Variants in ASCC3 observed in about 807,000 individuals in gnomAD.
ASCC3 encodes the protein activating signal cointegrator 1 complex subunit 3.
ASCC3 carries 158 observed loss-of-function variants against 256.3 expected under a neutral mutation model. That is an observed-to-expected ratio of 0.62 (90% CI 0.54 to 0.70). The LOEUF is 0.70. ASCC3 is among the 30% of genes least tolerant of loss of function. The probability of loss-of-function intolerance (pLI) is 0.00; values close to 1 mark genes in which losing one functional copy is unlikely to be tolerated. For synonymous variants in ASCC3, 948 were observed against 883.4 expected, an observed-to-expected ratio of 1.07 and a Z score of -1.30; for missense variants, 2,259 against 2,626.0, an observed-to-expected ratio of 0.86 and a Z score of 3.05.
At chr6:100,757,658 T>A (rs1475287099) in intron 10 of ASCC3, among the ~76,000 whole-genome samples, 3 of 152,172 alleles carry the variant, frequency 2.0e-5, no homozygotes, top group Non-Finnish European at 4.4e-5. Context: ...TAGAAATCTT[T>A]CATCTTATTC....
chr6:100,530,200 C>T, intron 37 of ASCC3: 2 of 688,186 alleles, frequency 2.9e-6, no homozygotes, highest in Admixed American at 4.6e-5. Flanking sequence ...CATCATTTTT[C>T]TTGTAGTCTT....
chr6:100,519,647 C>A (rs1190839974), intron 37 of ASCC3, among the ~76,000 whole-genome samples: 1 of 152,044 alleles, frequency 6.6e-6, no homozygotes, highest in Non-Finnish European at 1.5e-5. Flanking sequence ...GATGTCAGAA[C>A]TTGCAATGTG....
At chr6:100,756,212 A>C in intron 10 of ASCC3, among the ~76,000 whole-genome samples, 1 of 152,018 alleles carries the variant, frequency 6.6e-6, no homozygotes. Context: ...ATAATTAAAA[A>C]AAAAAACTTC....
At chr6:100,770,804 T>C (rs980582860) in intron 8 of ASCC3, among the ~76,000 whole-genome samples, 1 of 151,808 alleles carries the variant, frequency 6.6e-6, no homozygotes, top group Non-Finnish European at 1.5e-5. Flanking sequence ...TGAAAAATAT[T>C]CTATTTTGCT....
intron 39 of ASCC3, among the ~76,000 whole-genome samples, chr6:100,514,636 A>G (rs1459250781): frequency 6.6e-6 from 1 of 151,836 alleles, no homozygotes; most frequent in Non-Finnish European, 1.5e-5. Context: ...TTATGTATAT[A>G]AAACATGAAC....
In ASCC3 at chr6:100,767,447, G is replaced by A. The variant is rs150679207; in HGVS notation, c.1396-102C>T. 2.1e-5 allele frequency: 26 copies of A among 1,218,522 alleles called. No individual in the cohort carries two copies. In the Middle Eastern group the frequency reaches 6.6e-4, roughly 31 times the overall value. 75.5% of individuals were successfully genotyped at this position (1,218,522 alleles called of 1,614,324 possible). ...TATTTCCTTTGTTTTTTAAAAAAAA[G>A]ACTAATTTGTACTTTCACAATGTGT... On this transcript the variant is annotated intron_variant, in intron 8 of 41. Coordinates refer to ENST00000369162, the MANE Select transcript of ASCC3 (RefSeq NM_006828.4).
At chr6:100,827,702 T>C (rs1174844099) in intron 4 of ASCC3, among the ~76,000 whole-genome samples, 2 of 152,162 alleles carry the variant, frequency 1.3e-5, no homozygotes, top group African/African-American at 2.4e-5. Context: ...TACAGACAAA[T>C]GCTAACAGGA....
At position 100,625,192 on chromosome 6, in the gene ASCC3, C is replaced by T; in HGVS notation, c.4785G>A (p.Glu1595=). 1 of 1,612,380 alleles carries T rather than the reference C, an allele frequency of 6.2e-7. No homozygotes were observed. Among genetic ancestry groups the T allele is most frequent in the Non-Finnish European group, 8.5e-7 (1 of 1,178,866 alleles). ...PKQWLNMDER[E]MENIIATVRD... is the part of the protein sequence containing the mutation. ...GTAGAAGATAAAATATGTTGCTTAC[C>T]TCTCTTTCATCCATGTTTAACCACT... The change falls in exon 30 of 42, where the codon GAG becomes GAA. Residue 1595 remains glutamate, a splice_region_variant and synonymous_variant. Transcript: ENST00000369162.
At chr6:100,828,045 A>G (rs1771409074) in intron 4 of ASCC3, among the ~76,000 whole-genome samples, 2 of 151,450 alleles carry the variant, frequency 1.3e-5, no homozygotes, top group South Asian at 4.2e-4. Context: ...TGTTTTTGTC[A>G]AACACAATTT....
intron 41 of ASCC3, 144 bp from the exon 42 acceptor site, chr6:100,509,677 G>A (rs1255499685): frequency 3.4e-6 from 3 of 874,898 alleles, no homozygotes; most frequent in Non-Finnish European, 5.4e-6. Flanking sequence ...GAGGCGGGCG[G>A]ATCACGAGGT....
intron 8 of ASCC3, among the ~76,000 whole-genome samples, chr6:100,769,316 C>T (rs1167780387): frequency 1.3e-5 from 2 of 151,700 alleles, no homozygotes; most frequent in Non-Finnish European, 2.9e-5. Flanking sequence ...ACACAGAAGA[C>T]TATAACAAAT....
chr6:100,767,048 T>C lies in ASCC3; in HGVS notation c.1596+97A>G, dbSNP rs902073683. The C allele has an allele frequency of 5.7e-6, 7 of 1,229,410 alleles. No homozygotes were observed. In the African/African-American group the frequency reaches 6.0e-5, roughly 11 times the overall value. The allele number at this position is 1,229,410 out of a possible 1,614,324, so 76.2% of individuals were successfully genotyped here. ...ATTACTTATCTGACTTCAAGTACAA[T>C]ATCTTTAAGAACTTTCAAATTTCAT... On this transcript the variant is annotated intron_variant, in intron 9 of 41. Coordinates refer to ENST00000369162, the MANE Select transcript of ASCC3 (RefSeq NM_006828.4).
chr6:100,540,173 C>T lies in ASCC3; in HGVS notation c.5765G>A (p.Arg1922Lys). 6.2e-7 allele frequency: 1 copy of T among 1,613,440 alleles called. No individual in the cohort carries two copies. Among genetic ancestry groups the T allele is most frequent in the Non-Finnish European group, 8.5e-7 (1 of 1,179,436 alleles). Reference sequence around the variant, plus strand: ...AAATGACTTTCATACCTGACATACTCTGAGAGCTTGGTCCAAGACTGTTTT... The same window carrying T: ...AAATGACTTTCATACCTGACATACTTTGAGAGCTTGGTCCAAGACTGTTTT... ...DTKTVLDQAL[R>K]VCQAMLDVAA... The change falls in exon 37 of 42, where the codon AGA (arginine) becomes AAA (lysine). Residue 1922 changes from arginine (R) to lysine (K), a missense_variant. Arg to Lys is a conservative substitution (Grantham distance 26). Transcript: ENST00000369162.
intron 8 of ASCC3, among the ~76,000 whole-genome samples, chr6:100,790,506 A>G (rs887982447): frequency 1.3e-5 from 2 of 152,006 alleles, no homozygotes; most frequent in African/African-American, 4.8e-5. Context: ...ATAAATAGCA[A>G]CCTGTAAATA....
intron 36 of ASCC3, among the ~76,000 whole-genome samples, chr6:100,588,383 C>T (rs911210743): frequency 1.3e-5 from 2 of 152,028 alleles, no homozygotes; most frequent in Admixed American, 1.3e-4. Context: ...CCCAAATTAA[C>T]CATTATTTTG....
At chr6:100,732,722 G>C (rs980497086) in intron 10 of ASCC3, among the ~76,000 whole-genome samples, 1 of 152,074 alleles carries the variant, frequency 6.6e-6, no homozygotes, top group Non-Finnish European at 1.5e-5. Flanking sequence ...AAACAGAGGA[G>C]AAATGTGGTC....
intron 34 of ASCC3, 82 bp downstream of exon 34, chr6:100,601,728 A>G: frequency 6.5e-7 from 1 of 1,532,394 alleles, no homozygotes; most frequent in Non-Finnish European, 8.9e-7. Flanking sequence ...TTTTGTATGT[A>G]CCTTAATTTG....
At chr6:100,600,330 T>C (rs1439213455) in intron 34 of ASCC3, among the ~76,000 whole-genome samples, 1 of 152,008 alleles carries the variant, frequency 6.6e-6, no homozygotes, top group Non-Finnish European at 1.5e-5. Flanking sequence ...ATTTAAAGCT[T>C]CCAGCTTCCA....
chr6:100,745,318 C>T (rs1582798384), intron 10 of ASCC3, among the ~76,000 whole-genome samples: 1 of 151,522 alleles, frequency 6.6e-6, no homozygotes, highest in South Asian at 2.1e-4. Context: ...CAGAGCGAGA[C>T]TCCATCTCAA....
Sources: allele counts gnomAD v4.1 joint callset (sites outside exome capture counted in the v4.1 genomes callset), GRCh38; gene constraint gnomAD v4.1.1; transcripts MANE v1.5; gene names NCBI Gene and HGNC (gene_info 2026-07-23, HGNC 2026-07-21).